PDK4: variants seen among roughly 807,000 people sequenced by gnomAD.
PDK4 encodes pyruvate dehydrogenase kinase, isozyme 4.
In PDK4, 43 loss-of-function variants were observed where a neutral mutation model predicts 51.7. The observed-to-expected ratio is 0.83, with a 90% confidence interval of 0.65 to 1.07. PDK4 has a LOEUF of 1.07. Among genes scored for constraint, PDK4 ranks in the 50% least tolerant of loss-of-function variants. The pLI, the probability that PDK4 is intolerant of heterozygous loss-of-function variation, is 0.00. For synonymous variants in PDK4, 170 were observed against 176.6 expected, an observed-to-expected ratio of 0.96 and a Z score of 0.30; for missense variants, 498 against 503.5, an observed-to-expected ratio of 0.99 and a Z score of 0.10.
At chr7:95,589,756 C>T (rs371638350) in intron 6 of PDK4, 40 bp from the exon 7 acceptor site, 7 of 1,087,444 alleles carry the variant, frequency 6.4e-6, no homozygotes, top group Non-Finnish European at 8.5e-6. Context: ...TAAACAAATA[C>T]TTCACTAAAA....
intron 6 of PDK4, 137 bp downstream of exon 6, chr7:95,591,850 GT>G (rs1363550466): frequency 9.1e-6 from 5 of 550,780 alleles, no homozygotes; most frequent in African/African-American, 4.0e-5. Context: ...AGAGAACCTT[GT>G]CTTCAAAAAA....
rs754294855 is a variant in PDK4, at chr7:95,585,792, A to AG, written c.1096-12dup. 3.2e-6 allele frequency: 5 copies of AG among 1,575,302 alleles called. No individual in the cohort carries two copies. In the South Asian group the frequency reaches 5.8e-5, roughly 18 times the overall value. The stretch of plus-strand genomic sequence containing the variant: ...CTCAGAAGACAAAGCCTAAAAGAAA[A>AG]GGGGGGAAAAACATGAGACCAAAGA... On this transcript the variant is annotated splice_polypyrimidine_tract_variant and intron_variant, in intron 10 of 10. Coordinates refer to ENST00000005178, the MANE Select transcript of PDK4 (RefSeq NM_002612.4).
Position 95,596,442 on chromosome 7 carries a change from GTTTGAGGGTGC to G in PDK4, c.-160_-150del. The G allele has an allele frequency of 2.5e-6, 2 of 794,626 alleles. No homozygotes were observed. Among genetic ancestry groups the G allele is most frequent in the Non-Finnish European group, 3.7e-6 (2 of 545,258 alleles). The allele number at this position is 794,626 out of a possible 1,614,324, so 49.2% of individuals were successfully genotyped here. A position where few individuals can be genotyped will look rare whatever the true frequency, so the allele number is the denominator to read the frequency against. ...CTTGTGCGCCCCGGCCTGGGCTGGG[GTTTGAGGGTGC>G]CGCGGAGTGAAGAGTCTGGGCAGAG... On this transcript the variant is annotated 5_prime_UTR_variant, in exon 1 of 11. Coordinates refer to ENST00000005178, the MANE Select transcript of PDK4 (RefSeq NM_002612.4).
In PDK4 at chr7:95,592,950, C is replaced by T. The variant is rs1392987818; in HGVS notation, c.345-6G>A. On this transcript the variant is annotated splice_region_variant and splice_polypyrimidine_tract_variant and intron_variant, in intron 3 of 10. Transcript: ENST00000005178. Reference sequence around the variant, plus strand: ...TGATGAGTGTATCTACAAAGCTAAGCCACAATATTTATGGTTAGTAAAAGT... The same window carrying T: ...TGATGAGTGTATCTACAAAGCTAAGTCACAATATTTATGGTTAGTAAAAGT... 1 of 1,556,022 alleles carries T rather than the reference C, an allele frequency of 6.4e-7. No individual in the cohort carries two copies. Among genetic ancestry groups the T allele is most frequent in the Non-Finnish European group, 8.7e-7 (1 of 1,144,938 alleles).
intron 2 of PDK4, among the ~76,000 whole-genome samples, chr7:95,594,179 T>C (rs1006465023): frequency 3.3e-5 from 5 of 152,216 alleles, no homozygotes; most frequent in African/African-American, 4.8e-5. Context: ...ATGTTTTAGA[T>C]TGTAATTGTC....
intron 1 of PDK4, among the ~76,000 whole-genome samples, chr7:95,595,766 A>C (rs931008874): frequency 6.6e-6 from 1 of 152,240 alleles, no homozygotes; most frequent in African/African-American, 2.4e-5. Context: ...TAAGGAATAA[A>C]ATCTGTTAAT....
At chr7:95,590,574 T>A (rs1053931801) in intron 6 of PDK4, among the ~76,000 whole-genome samples, 4 of 152,228 alleles carry the variant, frequency 2.6e-5, no homozygotes, top group African/African-American at 9.6e-5. Flanking sequence ...GCAGTTTATC[T>A]ACAAGTATTA....
At chr7:95,595,205 G>A (rs762993344) in intron 1 of PDK4, 41 bp from the exon 2 acceptor site, 19 of 1,421,296 alleles carry the variant, frequency 1.3e-5, no homozygotes, top group Non-Finnish European at 1.8e-5. Flanking sequence ...GAAAAAGTGT[G>A]TCTAAATGAT....
intron 7 of PDK4, among the ~76,000 whole-genome samples, chr7:95,588,515 C>T (rs1194909741): frequency 6.6e-6 from 1 of 152,128 alleles, no homozygotes; most frequent in Non-Finnish European, 1.5e-5. Flanking sequence ...CCTTTCTCAC[C>T]ACCTGTCTAC....
Position 95,596,186 on chromosome 7 carries a change from G to A in PDK4, c.108C>T (p.Ser36=). The A allele has an allele frequency of 6.2e-7, 1 of 1,603,802 alleles. No individual in the cohort carries two copies. Among genetic ancestry groups the A allele is most frequent in the Non-Finnish European group, 8.5e-7 (1 of 1,175,476 alleles). ...HFSRYSPSPL[S]MKQLLDFGSE... ...CACCAAAGTCCAGTAGCTGCTTCATGGACAGCGGGGACGGGCTGTAGCGCG... is the reference window on the plus strand; with the variant it reads ...CACCAAAGTCCAGTAGCTGCTTCATAGACAGCGGGGACGGGCTGTAGCGCG... The change falls in exon 1 of 11, where the codon TCC becomes TCT. Residue 36 remains serine (S), a synonymous_variant. Coordinates refer to ENST00000005178, the MANE Select transcript of PDK4 (RefSeq NM_002612.4).
intron 6 of PDK4, 51 bp downstream of exon 6, chr7:95,591,937 G>A (rs767561694): frequency 5.5e-6 from 5 of 917,240 alleles, no homozygotes; most frequent in Non-Finnish European, 8.5e-6. Context: ...AATAATATTA[G>A]GAGAACACAG....
At position 95,583,698 on chromosome 7, in the gene PDK4, C is replaced by A. The variant is rs1336326381; in HGVS notation, c.*1943G>T. The A allele has an allele frequency of 6.6e-6, 1 of 152,604 alleles. No individual in the cohort carries two copies. The highest frequency in any genetic ancestry group is 2.4e-5 in the African/African-American group (1 of 41,450). 9.5% of individuals were successfully genotyped at this position (152,604 alleles called of 1,614,324 possible). On this transcript the variant is annotated 3_prime_UTR_variant, in exon 11 of 11. Coordinates refer to ENST00000005178, the MANE Select transcript of PDK4 (RefSeq NM_002612.4). ...TTTCTATTTTATCAAAGTTCATTTG[C>A]ACAGTTGGTGTAATTGAGATACTAA... is the stretch of plus-strand genomic sequence containing the variant.
At chr7:95,586,800 T>C (rs1302976327) in intron 10 of PDK4, 15 of 437,624 alleles carry the variant, frequency 3.4e-5, no homozygotes, top group Non-Finnish European at 5.3e-5. Flanking sequence ...TTTGCTTCAC[T>C]TGAGGCAGGT....
At position 95,585,470 on chromosome 7, in the gene PDK4, C is replaced by T; in HGVS notation, c.*171G>A. On this transcript the variant is annotated 3_prime_UTR_variant, in exon 11 of 11. Transcript: ENST00000005178. ...AACTCCTGTAGTCTTGCACTAAGTT[C>T]TCCTGGGTCACAGAAACAAGCTCCA... 1 of 500,366 alleles carries T rather than the reference C, an allele frequency of 2.0e-6. No individual in the cohort carries two copies. Among genetic ancestry groups the T allele is most frequent in the Non-Finnish European group, 3.5e-6 (1 of 287,726 alleles). 31.0% of individuals were successfully genotyped at this position (500,366 alleles called of 1,614,324 possible). A position where few individuals can be genotyped will look rare whatever the true frequency, so the allele number is the denominator to read the frequency against.
At chr7:95,588,815 A>G (rs1232972853) in intron 7 of PDK4, among the ~76,000 whole-genome samples, 2 of 152,158 alleles carry the variant, frequency 1.3e-5, no homozygotes, top group Admixed American at 6.5e-5. Flanking sequence ...TAATCTTAGG[A>G]CGCATGAAAG....
Position 95,587,434 on chromosome 7 carries a change from G to A in PDK4, c.965C>T (p.Ser322Phe). ...STAPTPVMDN[S>F]RNAPLAGFGY... ...TGTTCTTACCAAAGGAGCATTCCGG[G>A]AATTATCCATCACAGGCGTTGGTGC... Residue 322 changes from serine to phenylalanine, a missense_variant, in exon 9 of 11, where the codon TCC (serine) becomes TTC (phenylalanine). Coordinates refer to ENST00000005178, the MANE Select transcript of PDK4 (RefSeq NM_002612.4). 1 of 1,598,804 alleles carries A rather than the reference G, an allele frequency of 6.3e-7. No individual in the cohort carries two copies. Among genetic ancestry groups the A allele is most frequent in the Non-Finnish European group, 8.6e-7 (1 of 1,166,002 alleles).
chr7:95,586,319 C>T (rs1026473779), intron 10 of PDK4, among the ~76,000 whole-genome samples: 23 of 151,648 alleles, frequency 1.5e-4, no homozygotes, highest in Non-Finnish European at 2.9e-5. Context: ...CTCAGCCTCC[C>T]AAGTAGCTGG....
Position 95,587,078 on chromosome 7 carries a change from A to C in PDK4, c.1027T>G (p.Tyr343Asp). Reference sequence around the variant, plus strand: ...TAGAGATTCAGATCTCCTTGAAAGTACTTTGCATACAGACGAGAAATTGGC... The same window carrying C: ...TAGAGATTCAGATCTCCTTGAAAGTCCTTTGCATACAGACGAGAAATTGGC... ...GLPISRLYAK[Y>D]FQGDLNLYSL... The change falls in exon 10 of 11, where the codon TAC becomes GAC. Residue 343 changes from tyrosine to aspartate, a missense_variant. By Grantham distance (160) the Tyr-to-Asp change is radical. Transcript: ENST00000005178. 1 of 1,612,770 alleles carries C rather than the reference A, an allele frequency of 6.2e-7. No individual in the cohort carries two copies. The highest frequency in any genetic ancestry group is 1.1e-5 in the South Asian group (1 of 91,014).
At position 95,592,607 on chromosome 7, in the gene PDK4, A is replaced by C; in HGVS notation, c.530-10T>G. On this transcript the variant is annotated splice_polypyrimidine_tract_variant and intron_variant, in intron 4 of 10. Coordinates refer to ENST00000005178, the MANE Select transcript of PDK4 (RefSeq NM_002612.4). ...TCACTAAATATAAGAACTGTTGAAA[A>C]ATAAAAACAAAAAAAAATTGTTATA... 1 of 1,574,204 alleles carries C rather than the reference A, an allele frequency of 6.4e-7. No individual in the cohort carries two copies. The highest frequency in any genetic ancestry group is 8.7e-7 in the Non-Finnish European group (1 of 1,144,666).
Sources: gnomAD v4.1 joint callset for allele counts (sites outside exome capture counted in the v4.1 genomes callset) on GRCh38, gnomAD v4.1.1 for gene constraint, MANE v1.5 for transcripts, NCBI Gene and HGNC (gene_info 2026-07-23, HGNC 2026-07-21) for gene names.